The following EPM2A variants were observed in gnomAD, a reference collection of about 807,000 sequenced individuals.
The protein encoded by EPM2A is laforin.
In EPM2A, 21 loss-of-function variants were observed where a neutral mutation model predicts 26.5. The observed-to-expected ratio is 0.79, with a 90% CI of 0.56 to 1.14. The LOEUF (loss-of-function observed/expected upper bound fraction) is 1.14, where lower values mean the gene tolerates loss of function less well. Ranked by LOEUF, EPM2A falls within the 50% of genes most tolerant of loss-of-function variation. EPM2A has a pLI of 0.00. For missense variants in EPM2A, 458 were observed against 440.8 expected (o/e 1.04, Z -0.35); for synonymous variants, 217 against 177.6 (o/e 1.22, Z -1.76).
intron 2 of EPM2A, among the ~76,000 whole-genome samples, chr6:145,561,027 A>G (rs1780796896): frequency 1.3e-5 from 2 of 152,166 alleles, no homozygotes; most frequent in Admixed American, 6.5e-5. Flanking sequence ...TTTACATTTT[A>G]CAAAATTTAT....
At chr6:145,704,090 A>G (rs186471411) in intron 1 of EPM2A, among the ~76,000 whole-genome samples, 1 of 152,352 alleles carries the variant, frequency 6.6e-6, no homozygotes, top group Non-Finnish European at 1.5e-5. Flanking sequence ...CTTATATCTG[A>G]GCAAAATTAA....
chr6:145,699,359 G>A (rs1256330931), intron 1 of EPM2A, among the ~76,000 whole-genome samples: 3 of 152,144 alleles, frequency 2.0e-5, no homozygotes, highest in Admixed American at 1.3e-4. Context: ...CATGTATGAT[G>A]ACTGAAAGGC....
intron 4 of EPM2A, among the ~76,000 whole-genome samples, chr6:145,396,109 A>C (rs1185518814): frequency 6.6e-6 from 1 of 152,168 alleles, no homozygotes; most frequent in Non-Finnish European, 1.5e-5. Context: ...GTCCTCTTGG[A>C]TACCATTCAG....
At chr6:145,682,617 G>T (rs1780626491) in intron 2 of EPM2A, 1 of 152,090 alleles carries the variant, frequency 6.6e-6, no homozygotes, top group African/African-American at 2.4e-5. Flanking sequence ...TGAGAGCAAG[G>T]ATCATGTCTC....
At chr6:145,680,286 T>C (rs1780406446) in intron 2 of EPM2A, among the ~76,000 whole-genome samples, 3 of 151,690 alleles carry the variant, frequency 2.0e-5, no homozygotes, top group African/African-American at 7.3e-5. Context: ...AAAACTAAAA[T>C]GTAACACATA....
At chr6:145,618,576 A>T (rs771191674) in intron 2 of EPM2A, among the ~76,000 whole-genome samples, 1 of 152,210 alleles carries the variant, frequency 6.6e-6, no homozygotes, top group Non-Finnish European at 1.5e-5. Context: ...ATGGTTTGAT[A>T]CAAGGCTTTT....
intron 2 of EPM2A, among the ~76,000 whole-genome samples, chr6:145,512,327 C>A (rs1385941941): frequency 6.6e-6 from 1 of 152,088 alleles, no homozygotes; most frequent in African/African-American, 2.4e-5. Flanking sequence ...CTGAAGACAT[C>A]ACCTTGACTG....
intron 4 of EPM2A, among the ~76,000 whole-genome samples, chr6:145,459,426 G>C (rs754899441): frequency 2.0e-5 from 3 of 152,182 alleles, no homozygotes; most frequent in African/African-American, 7.2e-5. Flanking sequence ...AATGTAGAGA[G>C]AGGTTGTTTG....
chr6:145,643,854 A>T (rs565699466), intron 2 of EPM2A, among the ~76,000 whole-genome samples: 1 of 149,254 alleles, frequency 6.7e-6, no homozygotes, highest in Non-Finnish European at 1.5e-5. Flanking sequence ...AAAAAAAAAA[A>T]TAGTTTTGGA....
At chr6:145,702,121 A>G (rs1781947430) in intron 1 of EPM2A, among the ~76,000 whole-genome samples, 1 of 152,100 alleles carries the variant, frequency 6.6e-6, no homozygotes, top group South Asian at 2.1e-4. Context: ...CCCTGTGCTC[A>G]CCCAGCACTC....
chr6:145,404,007 G>C (rs1427081428), intron 4 of EPM2A, among the ~76,000 whole-genome samples: 1 of 152,116 alleles, frequency 6.6e-6, no homozygotes, highest in African/African-American at 2.4e-5. Context: ...GCATTTCTCT[G>C]ATGACCAGTG....
At chr6:145,421,196 AT>A (rs1778776643) in intron 4 of EPM2A, among the ~76,000 whole-genome samples, 1 of 152,178 alleles carries the variant, frequency 6.6e-6, no homozygotes, top group Admixed American at 6.5e-5. Context: ...CCAACAGGTG[AT>A]AAAATACAGT....
chr6:145,495,590 G>T (rs7757387), intron 4 of EPM2A, among the ~76,000 whole-genome samples: 80,376 of 151,784 alleles, frequency 0.53, 21,902 homozygotes, highest in African/African-American at 0.67. Context: ...TTTATTTATT[G>T]ATTTTTAGAT....
At chr6:145,420,409 G>A (rs2114682854) in intron 4 of EPM2A, among the ~76,000 whole-genome samples, 1 of 152,114 alleles carries the variant, frequency 6.6e-6, no homozygotes, top group Middle Eastern at 3.4e-3. Context: ...AATTTCAGTG[G>A]TTTATGCATG....
At chr6:145,532,840 GC>G (rs1780377702) in intron 2 of EPM2A, among the ~76,000 whole-genome samples, 1 of 151,998 alleles carries the variant, frequency 6.6e-6, no homozygotes, top group South Asian at 2.1e-4. Context: ...AGGTTTCCTG[GC>G]TGCACTTCCT....
intron 2 of EPM2A, among the ~76,000 whole-genome samples, chr6:145,667,225 G>A (rs1364458137): frequency 9.0e-6 from 1 of 111,142 alleles, no homozygotes; most frequent in Non-Finnish European, 1.7e-5. Flanking sequence ...GAGTGAACAG[G>A]CAACCTACAA....
At chr6:145,445,143 G>A (rs1321516345) in intron 4 of EPM2A, among the ~76,000 whole-genome samples, 1 of 152,126 alleles carries the variant, frequency 6.6e-6, no homozygotes, top group Non-Finnish European at 1.5e-5. Context: ...AGTGTGTCAA[G>A]AGTAGCCAGA....
At chr6:145,483,254 C>CTAG (rs1262863536) in intron 4 of EPM2A, among the ~76,000 whole-genome samples, 1 of 152,030 alleles carries the variant, frequency 6.6e-6, no homozygotes, top group Non-Finnish European at 1.5e-5. Flanking sequence ...AGCACATAAG[C>CTAG]CAAGTGTCTA....
At chr6:145,718,880 C>G (rs1474831695) in intron 1 of EPM2A, among the ~76,000 whole-genome samples, 4 of 152,160 alleles carry the variant, frequency 2.6e-5, no homozygotes, top group Non-Finnish European at 5.9e-5. Context: ...AAATGCTCAT[C>G]ATCACTGGCC....
Sources: gnomAD v4.1 joint callset for allele counts (sites outside exome capture counted in the v4.1 genomes callset) on GRCh38, gnomAD v4.1.1 for gene constraint, MANE v1.5 for transcripts, NCBI Gene and HGNC (gene_info 2026-07-23, HGNC 2026-07-21) for gene names.